TENM2: variants seen among roughly 807,000 people sequenced by gnomAD.
TENM2 encodes the protein teneurin-2.
In TENM2, 52 loss-of-function variants were observed where a neutral mutation model predicts 245.2. The observed-to-expected ratio is 0.21, with a 90% CI of 0.17 to 0.27. TENM2 has a LOEUF of 0.27. Among genes scored for constraint, TENM2 ranks in the 10% least tolerant of loss-of-function variants. TENM2 has a pLI of 1.00. For synonymous variants in TENM2, 1,363 were observed against 1,438.9 expected (o/e 0.95, Z 1.19); for missense variants, 3,046 against 3,666.8 (o/e 0.83, Z 4.37).
At chr5:167,910,778 T>A (rs1016987797) in intron 3 of TENM2, among the ~76,000 whole-genome samples, 2 of 152,214 alleles carry the variant, frequency 1.3e-5, no homozygotes, top group African/African-American at 2.4e-5. Context: ...AATAAAAAAA[T>A]TCCTAATCTT....
the TENM2 span, among the ~76,000 whole-genome samples, chr5:167,028,069 CAAA>C: frequency 5.4e-5 from 5 of 92,686 alleles, no homozygotes; most frequent in African/African-American, 1.3e-4. Flanking sequence ...GATTCCATCT[CAAA>C]AAAAAAAAAA....
intron 2 of TENM2, among the ~76,000 whole-genome samples, chr5:167,594,207 A>G (rs1776053453): frequency 6.6e-6 from 1 of 152,208 alleles, no homozygotes; most frequent in Non-Finnish European, 1.5e-5. Flanking sequence ...TATTAAGATC[A>G]TATGATACAA....
chr5:167,077,534 G>A, the TENM2 span, among the ~76,000 whole-genome samples: 2 of 152,244 alleles, frequency 1.3e-5, no homozygotes, highest in Admixed American at 1.3e-4. Flanking sequence ...AAAATAATGA[G>A]ATTATTCTAG....
At chr5:167,066,174 G>T in the TENM2 span, among the ~76,000 whole-genome samples, 1 of 152,128 alleles carries the variant, frequency 6.6e-6, no homozygotes, top group Non-Finnish European at 1.5e-5. Flanking sequence ...GGTGATAATT[G>T]AGAGGATCAG....
Position 168,218,197 on chromosome 5 carries a change from G to A in TENM2, c.4306G>A (p.Val1436Ile), listed in dbSNP as rs761059396. Residue 1436 changes from valine to isoleucine, a missense_variant, in exon 23 of 29, where the codon GTC (valine) becomes ATC (isoleucine). Val to Ile is a conservative substitution (Grantham distance 29). Around this residue, in one of 2 missense-constraint regions of TENM2, gnomAD observed 2,704 missense variants for 3,331.9 expected, o/e 0.81. Transcript: ENST00000518659. This position sits in a 1 kb window ranked among gnomAD's most constrained non-coding sequence, Gnocchi z 5.2. ...CTCCTTGTATGTTCTAGAGAACAATGTCATCCTTCGAATCACCGAGAACCA... is the reference window on the plus strand; with the variant it reads ...CTCCTTGTATGTTCTAGAGAACAATATCATCCTTCGAATCACCGAGAACCA... The A allele has an allele frequency of 1.6e-5, 26 of 1,613,866 alleles. No homozygotes were observed. In the South Asian group the frequency reaches 2.0e-4, roughly 12 times the overall value.
the TENM2 span, among the ~76,000 whole-genome samples, chr5:167,164,566 T>C: frequency 6.6e-6 from 1 of 152,192 alleles, no homozygotes; most frequent in Non-Finnish European, 1.5e-5. Context: ...AATAGTTCAA[T>C]CTAGACACGA....
chr5:167,020,968 AC>A, the TENM2 span, among the ~76,000 whole-genome samples: 1 of 151,962 alleles, frequency 6.6e-6, no homozygotes, highest in Non-Finnish European at 1.5e-5. Context: ...ACATGGTGAA[AC>A]CCTGTCTCTA....
chr5:167,199,276 T>G, the TENM2 span, among the ~76,000 whole-genome samples: 6 of 152,054 alleles, frequency 3.9e-5, no homozygotes, highest in Non-Finnish European at 8.8e-5. Context: ...GATGTGTGAG[T>G]ACTTTCAGTA....
At chr5:167,622,227 G>A (rs1048904560) in intron 2 of TENM2, among the ~76,000 whole-genome samples, 5 of 152,172 alleles carry the variant, frequency 3.3e-5, no homozygotes, top group Admixed American at 2.0e-4. Flanking sequence ...GCTTGGCTGA[G>A]GGAGACATGA....
intron 2 of TENM2, among the ~76,000 whole-genome samples, chr5:167,459,857 T>C (rs1440336545): frequency 1.3e-5 from 2 of 151,914 alleles, no homozygotes; most frequent in South Asian, 2.1e-4. Context: ...TGCAAATCTC[T>C]CATAAACTAG....
chr5:167,347,013 A>T (rs1758500798), intron 1 of TENM2, among the ~76,000 whole-genome samples: 1 of 151,968 alleles, frequency 6.6e-6, no homozygotes, highest in Non-Finnish European at 1.5e-5. Context: ...AGCTGAAGTA[A>T]TCCGGACACC....
chr5:167,995,763 A>C (rs914597015), intron 5 of TENM2, among the ~76,000 whole-genome samples: 12 of 152,240 alleles, frequency 7.9e-5, no homozygotes, highest in African/African-American at 2.9e-4. Context: ...ATCACTTTGA[A>C]GATGAAAAGC....
chr5:167,030,932 T>C, the TENM2 span, among the ~76,000 whole-genome samples: 143 of 152,208 alleles, frequency 9.4e-4, no homozygotes, highest in Admixed American at 1.6e-3. Flanking sequence ...CAGGTCCATG[T>C]AGCGGTGCGC....
intron 2 of TENM2, among the ~76,000 whole-genome samples, chr5:167,449,627 A>G (rs1041339987): frequency 4.6e-5 from 7 of 152,174 alleles, no homozygotes; most frequent in African/African-American, 1.2e-4. Context: ...CTAATTTCAC[A>G]TGTATACTGA....
chr5:167,920,465 C>T (rs1777280051), intron 3 of TENM2, among the ~76,000 whole-genome samples: 1 of 149,282 alleles, frequency 6.7e-6, no homozygotes, highest in Non-Finnish European at 1.5e-5. Flanking sequence ...TTGCAGTGAG[C>T]CAAGCTCGTG....
the TENM2 span, among the ~76,000 whole-genome samples, chr5:167,074,372 C>A: frequency 7.3e-4 from 110 of 151,622 alleles, no homozygotes; most frequent in African/African-American, 2.6e-3. Flanking sequence ...CTTAGGTGGC[C>A]GAGGAAGTAG....
At chr5:168,227,848 G>A (rs1193047107) in intron 24 of TENM2, 47 bp from the exon 27 acceptor site, 2 of 1,246,892 alleles carry the variant, frequency 1.6e-6, no homozygotes, top group Non-Finnish European at 2.3e-6. Context: ...GACTAATAGA[G>A]CGGATAATTT....
At position 168,124,229 on chromosome 5, in the gene TENM2, C is replaced by T. The variant is rs560528434; in HGVS notation, c.2009-621C>T. ...TTTGGATCATTTTCACACCCAACTT[C>T]GCCTCTTCTATACTGCACATTTACT... On this transcript the variant is annotated intron_variant, in intron 10 of 28. Transcript: ENST00000518659. Among the ~76,000 whole-genome samples, 12 of 152,326 alleles carry T rather than the reference C, an allele frequency of 7.9e-5. No individual in the cohort carries two copies. In the South Asian group the frequency reaches 1.0e-3, roughly 13 times the overall value.
rs201674742 is a variant in TENM2, at chr5:168,126,808, G to A, written c.2264G>A (p.Arg755His). 104 of 1,613,326 alleles carry A rather than the reference G, an allele frequency of 6.4e-5. 1 individual carries two copies. Among genetic ancestry groups the A allele is most frequent in the South Asian group, 2.0e-4 (18 of 90,904 alleles). The change falls in exon 12 of 29, where the codon CGC (arginine) becomes CAC (histidine). Residue 755 changes from arginine to histidine, a missense_variant. Transcript: ENST00000518659. Reference sequence around the variant, plus strand: ...GGCGTCTGCATCGGGGGAGCCTGCCGCTGTGAAGAGGGCTGGACAGGCGCA... The same window carrying A: ...GGCGTCTGCATCGGGGGAGCCTGCCACTGTGAAGAGGGCTGGACAGGCGCA...
Sources: allele counts gnomAD v4.1 joint callset (sites outside exome capture counted in the v4.1 genomes callset), GRCh38; gene constraint gnomAD v4.1.1; regional missense constraint gnomAD v4.1.1; non-coding constraint Gnocchi (gnomAD v3.1); transcripts MANE v1.5; gene names NCBI Gene and HGNC (gene_info 2026-07-23, HGNC 2026-07-21).